The following ZDHHC13 variants were observed in gnomAD, a reference collection of about 807,000 sequenced individuals.
The protein encoded by ZDHHC13 is palmitoyltransferase ZDHHC13.
Under a neutral mutation model 86.0 loss-of-function variants are expected in ZDHHC13, and 85 were observed. That is an observed-to-expected ratio of 0.99 (90% CI 0.83 to 1.18). The LOEUF is 1.18. ZDHHC13 is among the 50% of genes most tolerant of loss of function. The probability of loss-of-function intolerance (pLI) is 0.00; values close to 1 mark genes in which losing one functional copy is unlikely to be tolerated. For synonymous variants in ZDHHC13, 263 were observed against 246.4 expected, an observed-to-expected ratio of 1.07 and a Z score of -0.63; for missense variants, 711 against 730.2, an observed-to-expected ratio of 0.97 and a Z score of 0.30.
At chr11:19,166,872 T>C (rs1313282913) in intron 14 of ZDHHC13, 1 of 152,640 alleles carries the variant, frequency 6.6e-6, no homozygotes, top group Non-Finnish European at 1.5e-5. Flanking sequence ...TTGGAAATAG[T>C]AACTTGGAAG....
In ZDHHC13 at chr11:19,160,139, C is replaced by T. The variant is rs1386449349; in HGVS notation, c.1108+1099C>T. The stretch of plus-strand genomic sequence containing the variant: ...GAAATGAGATGGCCATAGGAGTTCT[C>T]AAAGTACATATGTCCACATCCATTA... On this transcript the variant is annotated intron_variant, in intron 10 of 16. Coordinates refer to ENST00000446113, the MANE Select transcript of ZDHHC13 (RefSeq NM_019028.3). 2.0e-5 allele frequency among the ~76,000 whole-genome samples: 3 copies of T among 151,978 alleles called. No homozygotes were observed. The East Asian group carries it at 5.8e-4, about 29-fold the overall frequency.
At chr11:19,169,823 A>T (rs370813571) in intron 14 of ZDHHC13, 1 of 985,468 alleles carries the variant, frequency 1.0e-6, no homozygotes, top group Non-Finnish European at 1.2e-6. Context: ...ATCTTGCTCT[A>T]TATTCTTTTC....
In ZDHHC13 at chr11:19,159,030, A is replaced by T. The variant is rs1021026590; in HGVS notation, c.1098A>T (p.Leu366Phe). The change falls in exon 10 of 17, where the codon TTA (leucine) becomes TTT (phenylalanine). Residue 366 changes from leucine to phenylalanine, a missense_variant. Physicochemically the swap from Leu to Phe is conservative, Grantham distance 22. Coordinates refer to ENST00000446113, the MANE Select transcript of ZDHHC13 (RefSeq NM_019028.3). ...VFWIFMTWFI[L>F]FFPDLAGAPF... is the part of the protein sequence containing the mutation. The stretch of plus-strand genomic sequence containing the variant: ...GGATATTTATGACTTGGTTCATCTT[A>T]TTTTTTCCTGATATCCTTTAAGCAT... 5.2e-6 allele frequency: 8 copies of T among 1,545,144 alleles called. No individual in the cohort carries two copies. Among genetic ancestry groups the T allele is most frequent in the Non-Finnish European group, 7.0e-6 (8 of 1,143,970 alleles).
chr11:19,136,030 A>C (rs1039133820), intron 1 of ZDHHC13, among the ~76,000 whole-genome samples: 1 of 152,260 alleles, frequency 6.6e-6, no homozygotes, highest in African/African-American at 2.4e-5. Flanking sequence ...CCTCCTCCAA[A>C]GGAACGCAGT....
chr11:19,164,921 C>T, intron 12 of ZDHHC13, 131 bp from the exon 13 acceptor site: 1 of 686,040 alleles, frequency 1.5e-6, no homozygotes, highest in Non-Finnish European at 2.6e-6. Context: ...TCCACAGCCT[C>T]TGTGTGAATT....
At chr11:19,168,720 T>A (rs1044018795) in intron 14 of ZDHHC13, 62 of 818,042 alleles carry the variant, frequency 7.6e-5, no homozygotes, top group Non-Finnish European at 9.0e-5. Context: ...CTCCCTTGTT[T>A]ACCATTAATG....
intron 1 of ZDHHC13, among the ~76,000 whole-genome samples, chr11:19,130,702 A>T (rs1230447272): frequency 6.6e-6 from 1 of 152,164 alleles, no homozygotes; most frequent in Non-Finnish European, 1.5e-5. Context: ...AATTCCCTGT[A>T]AACACTGCTT....
At chr11:19,150,019 A>G (rs1849567356) in intron 5 of ZDHHC13, among the ~76,000 whole-genome samples, 1 of 152,308 alleles carries the variant, frequency 6.6e-6, no homozygotes, top group East Asian at 1.9e-4. Context: ...TTGTTGGAAA[A>G]ATATAAATAT....
Position 19,152,207 on chromosome 11 carries a change from G to A in ZDHHC13, c.634G>A (p.Val212Ile), listed in dbSNP as rs1480187319. 1 of 1,613,266 alleles carries A rather than the reference G, an allele frequency of 6.2e-7. No homozygotes were observed. Among genetic ancestry groups the A allele is most frequent in the Non-Finnish European group, 8.5e-7 (1 of 1,179,438 alleles). ...AAAGTTTAATCCTTCTCTCAATGTG[G>A]TTGATAAAATACACCAAAACACTCC... ...LLKFNPSLNV[V>I]DKIHQNTPLH... The change falls in exon 7 of 17, where the codon GTT (valine) becomes ATT (isoleucine). Residue 212 changes from valine (V) to isoleucine (I), a missense_variant. By Grantham distance (29) the Val-to-Ile change is conservative. Coordinates refer to ENST00000446113, the MANE Select transcript of ZDHHC13 (RefSeq NM_019028.3).
In ZDHHC13 at chr11:19,155,786, C is replaced by T. The variant is rs1452770159; in HGVS notation, c.874-10C>T. ...TCCATAAAGTTCTAAAATTCTGAAT[C>T]TCTTAATAGCTCTTCCTGCTGCTGA... is the stretch of plus-strand genomic sequence containing the variant. On this transcript the variant is annotated splice_polypyrimidine_tract_variant and intron_variant, in intron 8 of 16. Coordinates refer to ENST00000446113, the MANE Select transcript of ZDHHC13 (RefSeq NM_019028.3). 1.2e-6 allele frequency: 2 copies of T among 1,606,386 alleles called. No homozygotes were observed. The highest frequency in any genetic ancestry group is 1.7e-5 in the Admixed American group (1 of 57,764).
intron 1 of ZDHHC13, among the ~76,000 whole-genome samples, chr11:19,133,341 A>C (rs1849042524): frequency 6.6e-6 from 1 of 151,564 alleles, no homozygotes; most frequent in Non-Finnish European, 1.5e-5. Flanking sequence ...TATGCTTTTG[A>C]GAATTGTTTA....
At chr11:19,166,451 C>A (rs1590090650) in intron 14 of ZDHHC13, 66 bp downstream of exon 14, 3 of 1,301,456 alleles carry the variant, frequency 2.3e-6, no homozygotes, top group African/African-American at 2.9e-5. Flanking sequence ...TCCTTGTAAA[C>A]CCTTGTATAT....
At chr11:19,125,862 A>T (rs985667547) in intron 1 of ZDHHC13, among the ~76,000 whole-genome samples, 1 of 152,164 alleles carries the variant, frequency 6.6e-6, no homozygotes, top group Non-Finnish European at 1.5e-5. Context: ...TGATTCCATT[A>T]TATGACATTC....
At chr11:19,129,405 C>G (rs955421985) in intron 1 of ZDHHC13, among the ~76,000 whole-genome samples, 1 of 151,962 alleles carries the variant, frequency 6.6e-6, no homozygotes, top group Admixed American at 6.6e-5. Context: ...GTTCTTTATT[C>G]GATTGAGGAG....
intron 13 of ZDHHC13, among the ~76,000 whole-genome samples, chr11:19,165,776 G>A (rs1208525316): frequency 1.3e-5 from 2 of 152,176 alleles, no homozygotes; most frequent in Non-Finnish European, 2.9e-5. Context: ...CAGAGGTGGT[G>A]CTTTTACAAA....
At chr11:19,126,652 C>A (rs1228524987) in intron 1 of ZDHHC13, among the ~76,000 whole-genome samples, 1 of 151,564 alleles carries the variant, frequency 6.6e-6, no homozygotes. Context: ...GCCCAGCCTG[C>A]TGTTCCTTTC....
chr11:19,170,485 TC>T lies in ZDHHC13; in HGVS notation c.1553del (p.Pro518LeufsTer7). The T allele has an allele frequency of 2.6e-6, 4 of 1,539,956 alleles. 1 individual carries two copies. The highest frequency in any genetic ancestry group is 3.4e-4 in the Middle Eastern group (2 of 5,956). On this transcript the variant is annotated frameshift_variant, in exon 15 of 17. Transcript: ENST00000446113. LOFTEE classifies it high-confidence loss of function. Reference sequence around the variant, plus strand: ...TTACCTCAATCAGATTGTGGCCTGTTCCCCTTGGGTTTTATATATCTTGATG... The same window carrying T: ...TTACCTCAATCAGATTGTGGCCTGTTCCCTTGGGTTTTATATATCTTGATG... ...WTYLNQIVAC[S>X]PWVLYILMLA...
chr11:19,125,627 A>G (rs188303224), intron 1 of ZDHHC13, among the ~76,000 whole-genome samples: 1 of 152,220 alleles, frequency 6.6e-6, no homozygotes, highest in African/African-American at 2.4e-5. Flanking sequence ...TGTTCACACA[A>G]AAGTTTGTCC....
chr11:19,170,386 T>C, intron 14 of ZDHHC13, 25 bp from the exon 15 acceptor site: 1 of 1,452,372 alleles, frequency 6.9e-7, no homozygotes, highest in South Asian at 1.4e-5. Context: ...TTTTTTTTTT[T>C]TTTTTTTTTT....
Sources: gnomAD v4.1 joint callset for allele counts (sites outside exome capture counted in the v4.1 genomes callset) on GRCh38, gnomAD v4.1.1 for gene constraint, MANE v1.5 for transcripts, NCBI Gene and HGNC (gene_info 2026-07-23, HGNC 2026-07-21) for gene names.